The following TRA2B variants were observed in gnomAD, a reference collection of about 807,000 sequenced individuals.
TRA2B encodes transformer-2 protein homolog beta.
A neutral mutation model predicts 41.7 loss-of-function variants in TRA2B; 14 were observed. The ratio of observed to expected loss-of-function variants is 0.34; its 90% CI spans 0.22 to 0.53. The LOEUF is 0.53. Among genes scored for constraint, TRA2B ranks in the 20% least tolerant of loss-of-function variants. The pLI, the probability that TRA2B is intolerant of heterozygous loss-of-function variation, is 0.95. For missense variants in TRA2B, 167 were observed against 396.8 expected (o/e 0.42, Z 4.92); for synonymous variants, 130 against 128.8 (o/e 1.01, Z -0.06).
At chr3:185,931,796 CTCATTTA>C (rs1263538950) in intron 1 of TRA2B, 1 of 1,506,150 alleles carries the variant, frequency 6.6e-7, no homozygotes, top group Non-Finnish European at 8.8e-7. Context: ...GCTTCAAATA[CTCATTTA>C]TAAAACTTGT....
intron 1 of TRA2B, chr3:185,934,888 C>G: frequency 1.0e-6 from 1 of 985,422 alleles, no homozygotes; most frequent in Non-Finnish European, 1.2e-6. Flanking sequence ...AGCCAGTATT[C>G]TATCAGAGTA....
intron 1 of TRA2B, chr3:185,936,886 TTCAA>T: frequency 1.0e-6 from 1 of 985,330 alleles, no homozygotes; most frequent in Non-Finnish European, 1.2e-6. Context: ...GTTCCCGCAA[TTCAA>T]TCAACCCTCA....
intron 1 of TRA2B, chr3:185,937,204 G>A: frequency 1.0e-6 from 1 of 985,714 alleles, no homozygotes; most frequent in African/African-American, 1.7e-5. Flanking sequence ...CACCTAACGG[G>A]CCCAGAACTT....
intron 3 of TRA2B, 134 bp from the exon 4 acceptor site, chr3:185,924,118 A>G (rs1348178033): frequency 1.6e-6 from 1 of 629,264 alleles, no homozygotes; most frequent in African/African-American, 1.9e-5. Flanking sequence ...CACTGCTTAG[A>G]AATTACAAAA....
At chr3:185,928,535 C>CACTT (rs1744036291) in intron 1 of TRA2B, 1 of 152,188 alleles carries the variant, frequency 6.6e-6, no homozygotes, top group African/African-American at 2.4e-5. Context: ...TCTGAACGGA[C>CACTT]ACTTCCCTTC....
intron 1 of TRA2B, chr3:185,929,015 A>G (rs189005148): frequency 6.6e-6 from 1 of 152,362 alleles, no homozygotes; most frequent in African/African-American, 2.4e-5. Flanking sequence ...CTGAAATCAC[A>G]GGAGTTTTCA....
chr3:185,917,820 A>G (rs1336488247), intron 8 of TRA2B, 95 bp from the exon 9 acceptor site: 2 of 1,375,128 alleles, frequency 1.5e-6, no homozygotes, highest in Non-Finnish European at 2.1e-6. Context: ...TGCCATTAAG[A>G]AATTCCTATG....
At chr3:185,925,263 TTA>T (rs1743902315) in intron 3 of TRA2B, 199 bp downstream of exon 3, 3 of 550,934 alleles carry the variant, frequency 5.4e-6, no homozygotes, top group Non-Finnish European at 9.4e-6. Flanking sequence ...TGTGTCAGTA[TTA>T]TGCTTAATTG....
At chr3:185,936,675 T>C (rs1283141087) in intron 1 of TRA2B, 1 of 968,968 alleles carries the variant, frequency 1.0e-6, no homozygotes. Flanking sequence ...GGTAACAAAT[T>C]GTTTTTTTTT....
At chr3:185,935,475 C>G (rs1744314404) in intron 1 of TRA2B, 1 of 985,376 alleles carries the variant, frequency 1.0e-6, no homozygotes, top group Non-Finnish European at 1.2e-6. Flanking sequence ...ACACACCCAA[C>G]CTTAAAGGGG....
rs1743557583 is a variant in TRA2B, at chr3:185,917,810, T to C, written c.857-85A>G. 4 of 1,462,038 alleles carry C rather than the reference T, an allele frequency of 2.7e-6. No homozygotes were observed. In the East Asian group the frequency reaches 9.2e-5, roughly 33 times the overall value. 90.6% of individuals were successfully genotyped at this position (1,462,038 alleles called of 1,614,324 possible). A position where few individuals can be genotyped will look rare whatever the true frequency, so the allele number is the denominator to read the frequency against. On this transcript the variant is annotated intron_variant, in intron 8 of 8. Transcript: ENST00000453386. ...TAATGCCGAGAATTTCAGAATATTC[T>C]GCCATTAAGAAATTCCTATGTGCCA... is the stretch of plus-strand genomic sequence containing the variant.
chr3:185,925,345 G>C, intron 3 of TRA2B, 119 bp downstream of exon 3: 2 of 1,175,082 alleles, frequency 1.7e-6, no homozygotes, highest in East Asian at 5.2e-5. Context: ...CACTAAAAAA[G>C]CCTCTGAAGA....
chr3:185,932,088 T>C (rs1229584737), intron 1 of TRA2B, among the ~76,000 whole-genome samples: 1 of 152,220 alleles, frequency 6.6e-6, no homozygotes, highest in Non-Finnish European at 1.5e-5. Flanking sequence ...AAGTTGAATG[T>C]GAAGTGCGCC....
chr3:185,937,371 T>C (rs1282703289), intron 1 of TRA2B: 1 of 999,152 alleles, frequency 1.0e-6, no homozygotes, highest in Admixed American at 5.9e-5. Context: ...CACGCGGCCT[T>C]ACGAAGCGCG....
intron 1 of TRA2B, among the ~76,000 whole-genome samples, chr3:185,929,795 T>C (rs1744082030): frequency 6.6e-6 from 1 of 152,232 alleles, no homozygotes; most frequent in Non-Finnish European, 1.5e-5. Context: ...ACACTGTTTA[T>C]CATACTAGTT....
chr3:185,924,967 C>CA (rs1743888496), intron 3 of TRA2B: 1 of 152,320 alleles, frequency 6.6e-6, no homozygotes, highest in African/African-American at 2.4e-5. Context: ...TAAGTCCCCC[C>CA]CTGCACCCTC....
intron 3 of TRA2B, chr3:185,924,223 C>A (rs914831525): frequency 5.8e-6 from 2 of 341,924 alleles, no homozygotes; most frequent in Non-Finnish European, 1.0e-5. Context: ...AACAAGCACT[C>A]GTGCTGGCGA....
rs1376138917 is a variant in TRA2B at position 185,917,602 on chromosome 3, A to G, written c.*113T>C. 14 of 1,154,410 alleles carry G rather than the reference A, an allele frequency of 1.2e-5. No individual in the cohort carries two copies. The Admixed American group carries it at 2.0e-4, about 16-fold the overall frequency. The allele number at this position is 1,154,410 out of a possible 1,614,324, so 71.5% of individuals were successfully genotyped here. ...AAAAGTAGTCATCGTAAAAGGTGTA[A>G]AAGTCACCTAACTTCACTAGGCACT... On this transcript the variant is annotated 3_prime_UTR_variant, in exon 9 of 9. Coordinates refer to ENST00000453386, the MANE Select transcript of TRA2B (RefSeq NM_004593.3).
In TRA2B at chr3:185,923,894, C is replaced by T. The variant is rs1743836853; in HGVS notation, c.424G>A (p.Gly142Ser). 6.2e-7 allele frequency: 1 copy of T among 1,614,018 alleles called. No homozygotes were observed. The highest frequency in any genetic ancestry group is 8.5e-7 in the Non-Finnish European group (1 of 1,179,992). The change falls in exon 4 of 9, where the codon GGT (glycine) becomes AGT (serine). Residue 142 changes from glycine to serine, a missense_variant. This residue lies in a region of TRA2B where 20 missense variants were observed against 159.6 expected (regional missense o/e 0.13). Coordinates refer to ENST00000453386, the MANE Select transcript of TRA2B (RefSeq NM_004593.3). The part of the protein sequence containing the change: ...RDLREVFSKY[G>S]PIADVSIVYD... The stretch of plus-strand genomic sequence containing the variant: ...ACAATAGACACATCGGCAATGGGAC[C>T]ATATTTAGAGAACACTTCTCTTAGA...
Sources: gnomAD v4.1 joint callset for allele counts (sites outside exome capture counted in the v4.1 genomes callset) on GRCh38, gnomAD v4.1.1 for gene constraint, gnomAD v4.1.1 regional missense constraint, MANE v1.5 for transcripts, NCBI Gene and HGNC (gene_info 2026-07-23, HGNC 2026-07-21) for gene names.